Variants in LOXL2 observed in about 807,000 individuals in gnomAD.
LOXL2 encodes the protein lysyl oxidase homolog 2.
Under a neutral mutation model 93.0 loss-of-function variants are expected in LOXL2, and 70 were observed. The observed-to-expected ratio is 0.75, with a 90% CI of 0.62 to 0.92. The LOEUF is 0.92. Ranked by LOEUF, LOXL2 falls within the 40% of genes least tolerant of loss-of-function variation. LOXL2 has a pLI of 0.00. For synonymous variants in LOXL2, 438 were observed against 413.2 expected (o/e 1.06, Z -0.73); for missense variants, 973 against 1,054.9 (o/e 0.92, Z 1.08).
chr8:23,359,644 T>C (rs1804256751), intron 3 of LOXL2, among the ~76,000 whole-genome samples: 1 of 152,160 alleles, frequency 6.6e-6, no homozygotes, highest in South Asian at 2.1e-4. Context: ...TCACAAACTG[T>C]GCAAGATAAT....
intron 4 of LOXL2, among the ~76,000 whole-genome samples, chr8:23,335,677 G>T (rs939504544): frequency 2.6e-5 from 4 of 152,114 alleles, no homozygotes; most frequent in African/African-American, 9.7e-5. Flanking sequence ...GCAGGACCCA[G>T]TAAGATGCCA....
intron 3 of LOXL2, among the ~76,000 whole-genome samples, chr8:23,342,321 CT>C (rs1803894926): frequency 6.6e-6 from 1 of 152,160 alleles, no homozygotes; most frequent in Non-Finnish European, 1.5e-5. Flanking sequence ...AAGCTCCCCC[CT>C]AAATCACTCA....
chr8:23,360,051 A>G (rs375817377), intron 3 of LOXL2, 39 bp downstream of exon 3: 1 of 1,571,754 alleles, frequency 6.4e-7, no homozygotes, highest in African/African-American at 1.3e-5. Context: ...AAGAGGAAAA[A>G]TGTTTGCATG....
chr8:23,309,157 G>A (rs1190400543), intron 10 of LOXL2, among the ~76,000 whole-genome samples: 2 of 151,912 alleles, frequency 1.3e-5, no homozygotes, highest in Non-Finnish European at 2.9e-5. Flanking sequence ...GCTAATTTTC[G>A]TATTTTTAGT....
rs376134997 is a variant in LOXL2, at chr8:23,342,682, T to C, written c.532-1479A>G. Among the ~76,000 whole-genome samples the C allele has an allele frequency of 2.5e-3, 376 of 152,270 alleles. 1 individual carries two copies. The highest frequency in any genetic ancestry group is 8.7e-3 in the African/African-American group (360 of 41,558). On this transcript the variant is annotated intron_variant, in intron 3 of 13. Transcript: ENST00000389131. ...TCCTGACCTCATGATCAGCCCGCCT[T>C]GGCCTCACAAAGTGCTGGGATTACA...
At position 23,345,685 on chromosome 8, in the gene LOXL2, C is replaced by G. The variant is rs549762610; in HGVS notation, c.532-4482G>C. Among the ~76,000 whole-genome samples the G allele has an allele frequency of 3.3e-5, 5 of 152,272 alleles. No homozygotes were observed. In the South Asian group the frequency reaches 1.0e-3, roughly 32 times the overall value. ...TACATTTTGCCCCAGGAGTTCAGCCCCAAAAGTGAAAAGAAAGTGTGAAAT... is the reference window on the plus strand; with the variant it reads ...TACATTTTGCCCCAGGAGTTCAGCCGCAAAAGTGAAAAGAAAGTGTGAAAT... On this transcript the variant is annotated intron_variant, in intron 3 of 13. Transcript: ENST00000389131.
intron 8 of LOXL2, among the ~76,000 whole-genome samples, chr8:23,319,457 A>C (rs1803457742): frequency 6.6e-6 from 1 of 152,264 alleles, no homozygotes; most frequent in Non-Finnish European, 1.5e-5. Flanking sequence ...TTCAGACCAG[A>C]GCGGGTTTCA....
intron 3 of LOXL2, among the ~76,000 whole-genome samples, chr8:23,351,359 A>G (rs1804091410): frequency 6.6e-6 from 1 of 152,190 alleles, no homozygotes; most frequent in African/African-American, 2.4e-5. Flanking sequence ...CATCTAGGGC[A>G]GGGAGAGGCT....
chr8:23,403,311 G>T (rs1008856610), intron 1 of LOXL2, among the ~76,000 whole-genome samples: 3 of 152,192 alleles, frequency 2.0e-5, no homozygotes, highest in African/African-American at 7.2e-5. Context: ...GAGGCAGGGC[G>T]ACTTGGGAGT....
At chr8:23,333,043 C>T (rs948385811) in intron 5 of LOXL2, among the ~76,000 whole-genome samples, 10 of 152,138 alleles carry the variant, frequency 6.6e-5, no homozygotes, top group African/African-American at 2.4e-4. Flanking sequence ...ATAAACCAAA[C>T]ATGCTTGCAA....
intron 1 of LOXL2, among the ~76,000 whole-genome samples, chr8:23,392,371 G>C (rs999713292): frequency 6.6e-6 from 1 of 152,174 alleles, no homozygotes; most frequent in African/African-American, 2.4e-5. Context: ...AATGCCAGCT[G>C]GTGCTGGGTC....
intron 1 of LOXL2, among the ~76,000 whole-genome samples, chr8:23,381,050 G>C (rs536527999): frequency 6.6e-6 from 1 of 151,254 alleles, no homozygotes; most frequent in Admixed American, 6.6e-5. Context: ...ATACCACTGG[G>C]GGGCGGGTAA....
chr8:23,301,166 T>C (rs1303028631), intron 12 of LOXL2, among the ~76,000 whole-genome samples: 1 of 152,230 alleles, frequency 6.6e-6, no homozygotes, highest in African/African-American at 2.4e-5. Context: ...ACATTTCTGG[T>C]CATCCACTTT....
chr8:23,317,426 T>G (rs1381510319), intron 8 of LOXL2, among the ~76,000 whole-genome samples: 1 of 151,934 alleles, frequency 6.6e-6, no homozygotes, highest in Non-Finnish European at 1.5e-5. Context: ...GGTTGCCCAC[T>G]CCCCAGTCCT....
At chr8:23,347,410 C>T (rs1804010977) in intron 3 of LOXL2, among the ~76,000 whole-genome samples, 1 of 151,994 alleles carries the variant, frequency 6.6e-6, no homozygotes, top group African/African-American at 2.4e-5. Context: ...GTGAACCCAG[C>T]ACTTTGGGAG....
At chr8:23,388,701 C>T (rs1804800696) in intron 1 of LOXL2, among the ~76,000 whole-genome samples, 1 of 149,716 alleles carries the variant, frequency 6.7e-6, no homozygotes, top group African/African-American at 2.5e-5. Context: ...AAAGAATATA[C>T]AATATTAGCA....
rs936906144 is a variant in LOXL2 at position 23,319,769 on chromosome 8, T to C, written c.1470+116A>G. The C allele has an allele frequency of 2.6e-6, 3 of 1,168,966 alleles. No individual in the cohort carries two copies. The African/African-American group carries it at 4.5e-5, about 18-fold the overall frequency. The allele number at this position is 1,168,966 out of a possible 1,614,324, so 72.4% of individuals were successfully genotyped here. ...CCCTGCCTCTGGGTCCAGGGCAACT[T>C]GCTCTGTCCTGCCTGCACGGCTAGG... On this transcript the variant is annotated intron_variant, in intron 8 of 13. Transcript: ENST00000389131.
chr8:23,385,395 C>A (rs1352741170), intron 1 of LOXL2, among the ~76,000 whole-genome samples: 2 of 148,056 alleles, frequency 1.4e-5, no homozygotes, highest in Non-Finnish European at 3.0e-5. Flanking sequence ...TACAGGCACA[C>A]ACCACCACAC....
At chr8:23,382,089 T>C (rs1374660581) in intron 1 of LOXL2, among the ~76,000 whole-genome samples, 1 of 152,180 alleles carries the variant, frequency 6.6e-6, no homozygotes, top group Non-Finnish European at 1.5e-5. Flanking sequence ...ACAAAGGAGC[T>C]GGAATGAGCA....
Sources: gnomAD v4.1 joint callset for allele counts (sites outside exome capture counted in the v4.1 genomes callset) on GRCh38, gnomAD v4.1.1 for gene constraint, MANE v1.5 for transcripts, NCBI Gene and HGNC (gene_info 2026-07-23, HGNC 2026-07-21) for gene names.